Variants in FRMD4A observed in about 807,000 individuals in gnomAD.
FRMD4A encodes FERM domain containing 4A, also known as FERM domain-containing protein 4A.
Under a neutral mutation model 129.1 loss-of-function variants are expected in FRMD4A, and 29 were observed. That is an observed-to-expected ratio of 0.22 (90% CI 0.17 to 0.31). The LOEUF (loss-of-function observed/expected upper bound fraction) is 0.31, where lower values mean the gene tolerates loss of function less well. Ranked by LOEUF, FRMD4A falls within the 10% of genes least tolerant of loss-of-function variation. The probability of loss-of-function intolerance (pLI) is 1.00; values close to 1 mark genes in which losing one functional copy is unlikely to be tolerated. For missense variants in FRMD4A, 1,272 were observed against 1,375.8 expected, an observed-to-expected ratio of 0.92 and a Z score of 1.19; for synonymous variants, 634 against 571.6, an observed-to-expected ratio of 1.11 and a Z score of -1.56.
intron 2 of FRMD4A, among the ~76,000 whole-genome samples, chr10:14,177,430 C>A (rs191765184): frequency 2.0e-5 from 3 of 152,216 alleles, no homozygotes; most frequent in Admixed American, 2.0e-4. Context: ...ACCTTGGCCT[C>A]CCAAAGTGCT....
rs1555028464 is a variant in FRMD4A, at chr10:14,063,187, TTC to T, written c.46-204277_46-204276del. On this transcript the variant is annotated intron_variant, in intron 2 of 24. Transcript: ENST00000357447. ...GCAAGGAATAAATCTGCTTTTTTTT[TTC>T]TTTTTAAGATTAACAGTATGTTGGT... Among the ~76,000 whole-genome samples, 1,014 of 151,906 alleles carry T rather than the reference TTC, an allele frequency of 6.7e-3. 5 individuals are homozygous for T. Among genetic ancestry groups the T allele is most frequent in the Middle Eastern group, 0.017 (5 of 294 alleles).
At chr10:14,230,839 C>G (rs1281711960) in intron 2 of FRMD4A, among the ~76,000 whole-genome samples, 1 of 152,146 alleles carries the variant, frequency 6.6e-6, no homozygotes, top group African/African-American at 2.4e-5. Flanking sequence ...TGTGACCATG[C>G]TTGTTCAATG....
intron 2 of FRMD4A, among the ~76,000 whole-genome samples, chr10:13,935,846 G>A (rs558839762): frequency 2.0e-5 from 3 of 152,332 alleles, no homozygotes; most frequent in Non-Finnish European, 2.9e-5. Context: ...CATGCCTTCT[G>A]CAAGTAGAAA....
intron 2 of FRMD4A, among the ~76,000 whole-genome samples, chr10:14,045,042 A>G (rs1833929867): frequency 1.3e-5 from 2 of 152,062 alleles, no homozygotes; most frequent in African/African-American, 4.8e-5. Context: ...AGCTGGGACT[A>G]CAGGCACCCA....
chr10:14,045,243 C>A (rs143292891), intron 2 of FRMD4A, among the ~76,000 whole-genome samples: 4 of 152,242 alleles, frequency 2.6e-5, no homozygotes, highest in African/African-American at 7.2e-5. Flanking sequence ...TGTAGCCTAG[C>A]AAAACTGCTT....
chr10:13,649,609 T>G lies in FRMD4A; in HGVS notation c.*2+2294A>C, dbSNP rs1269925558. On this transcript the variant is annotated intron_variant, in intron 24 of 24. Coordinates refer to ENST00000357447, the MANE Select transcript of FRMD4A (RefSeq NM_018027.5). ...AACTTGCGATGTTTTATACAGAATC[T>G]TTCTTAGTGCTTCCACATAGTTATT... 3 of 152,242 alleles carry G rather than the reference T, an allele frequency of 2.0e-5. No homozygotes were observed. In the East Asian group the frequency reaches 5.8e-4, roughly 29 times the overall value. 9.4% of individuals were successfully genotyped at this position (152,242 alleles called of 1,614,324 possible). A position where few individuals can be genotyped will look rare whatever the true frequency, so the allele number is the denominator to read the frequency against.
intron 2 of FRMD4A, among the ~76,000 whole-genome samples, chr10:14,003,920 T>A (rs2095652121): frequency 6.6e-6 from 1 of 152,236 alleles, no homozygotes; most frequent in Non-Finnish European, 1.5e-5. Flanking sequence ...TTTCCTTAAC[T>A]CATTTATATG....
intron 2 of FRMD4A, among the ~76,000 whole-genome samples, chr10:13,985,621 A>G (rs2095578343): frequency 6.6e-6 from 1 of 152,206 alleles, no homozygotes; most frequent in Admixed American, 6.5e-5. Flanking sequence ...AAAGCCAGCC[A>G]TGGAACCATG....
At chr10:14,069,621 C>T (rs928819215) in intron 2 of FRMD4A, among the ~76,000 whole-genome samples, 2 of 152,126 alleles carry the variant, frequency 1.3e-5, no homozygotes, top group Non-Finnish European at 2.9e-5. Flanking sequence ...TTAAAGACTA[C>T]ACTTTATTTA....
At chr10:14,229,792 C>T (rs1250365507) in intron 2 of FRMD4A, among the ~76,000 whole-genome samples, 4 of 152,150 alleles carry the variant, frequency 2.6e-5, no homozygotes, top group Non-Finnish European at 5.9e-5. Context: ...TCAACACATC[C>T]TATATAAAAT....
intron 6 of FRMD4A, among the ~76,000 whole-genome samples, chr10:13,777,517 C>T (rs765386318): frequency 6.6e-6 from 1 of 152,106 alleles, no homozygotes; most frequent in Admixed American, 6.6e-5. Context: ...GAAGAGAGGG[C>T]TGGGTTCTGG....
At chr10:14,132,590 G>A (rs1307672295) in intron 2 of FRMD4A, among the ~76,000 whole-genome samples, 1 of 152,212 alleles carries the variant, frequency 6.6e-6, no homozygotes, top group Non-Finnish European at 1.5e-5. Flanking sequence ...GGAGGAGGAG[G>A]AGAGCAGAGA....
chr10:14,121,505 G>A (rs778395409), intron 2 of FRMD4A, among the ~76,000 whole-genome samples: 40 of 152,168 alleles, frequency 2.6e-4, no homozygotes, highest in Admixed American at 7.2e-4. Flanking sequence ...CACACACCAC[G>A]CTTTGAGGAG....
At chr10:13,653,423 T>C (rs893315524) in intron 23 of FRMD4A, 1 of 152,328 alleles carries the variant, frequency 6.6e-6, no homozygotes, top group African/African-American at 2.4e-5. Flanking sequence ...GGAGAATCAC[T>C]TGAACCATGG....
At chr10:13,894,902 C>A (rs1287773789) in intron 2 of FRMD4A, among the ~76,000 whole-genome samples, 1 of 152,352 alleles carries the variant, frequency 6.6e-6, no homozygotes, top group East Asian at 1.9e-4. Context: ...TGGCCACCCA[C>A]TAGCTGTGCA....
chr10:13,941,967 G>A (rs74125113), intron 2 of FRMD4A, among the ~76,000 whole-genome samples: 5,502 of 152,220 alleles, frequency 0.036, 343 homozygotes, highest in East Asian at 0.26. Flanking sequence ...CCATATGAGG[G>A]AAGCACATGG....
At chr10:13,667,100 T>TG (rs1457642298) in intron 17 of FRMD4A, among the ~76,000 whole-genome samples, 2 of 151,990 alleles carry the variant, frequency 1.3e-5, no homozygotes, top group African/African-American at 4.8e-5. Flanking sequence ...TTAGTAGAGA[T>TG]GGGGTTTTAC....
chr10:14,112,261 A>G (rs1352046037), intron 2 of FRMD4A, among the ~76,000 whole-genome samples: 1 of 152,060 alleles, frequency 6.6e-6, no homozygotes, highest in Non-Finnish European at 1.5e-5. Flanking sequence ...TCTCTAAGTA[A>G]TTAGGAGCTG....
Position 14,185,662 on chromosome 10 carries a change from G to A in FRMD4A, c.45+144396C>T, listed in dbSNP as rs372667061. On this transcript the variant is annotated intron_variant, in intron 2 of 24. Transcript: ENST00000357447. Reference sequence around the variant, plus strand: ...AGAGCTGCAGGGGCGGTTGTTAGCTGTGCAGATGAGCAGAAGAGAGGATAG... The same window carrying A: ...AGAGCTGCAGGGGCGGTTGTTAGCTATGCAGATGAGCAGAAGAGAGGATAG... Among the ~76,000 whole-genome samples the A allele has an allele frequency of 4.6e-5, 7 of 152,276 alleles. No homozygotes were observed. In the South Asian group the frequency reaches 1.4e-3, roughly 32 times the overall value.
Sources: allele counts gnomAD v4.1 joint callset (sites outside exome capture counted in the v4.1 genomes callset), GRCh38; gene constraint gnomAD v4.1.1; transcripts MANE v1.5; gene names NCBI Gene and HGNC (gene_info 2026-07-23, HGNC 2026-07-21).